Variants in SEPTIN9 observed in about 807,000 individuals in gnomAD.
SEPTIN9 encodes septin-9.
SEPTIN9 carries 13 observed loss-of-function variants against 56.6 expected under a neutral mutation model. The ratio of observed to expected loss-of-function variants is 0.23; its 90% CI spans 0.15 to 0.37. The LOEUF is 0.37. Among genes scored for constraint, SEPTIN9 ranks in the 10% least tolerant of loss-of-function variants. SEPTIN9 has a pLI of 1.00. For synonymous variants in SEPTIN9, 332 were observed against 334.1 expected (o/e 0.99, Z 0.07); for missense variants, 650 against 823.1 (o/e 0.79, Z 2.57).
At chr17:77,416,333 T>C (rs35077273) in intron 3 of SEPTIN9, among the ~76,000 whole-genome samples, 56,886 of 151,904 alleles carry the variant, frequency 0.37, 11,213 homozygotes, top group African/African-American at 0.43. Context: ...CGGTATGGGA[T>C]GGGGCCAGAT....
At position 77,455,681 on chromosome 17, in the gene SEPTIN9, C is replaced by G. The variant is rs144475610; in HGVS notation, c.722-26463C>G. Among the ~76,000 whole-genome samples the G allele has an allele frequency of 5.3e-3, 808 of 152,362 alleles. 36 individuals are homozygous for G. In the South Asian group the frequency reaches 0.1, roughly 19 times the overall value. On this transcript the variant is annotated intron_variant, in intron 3 of 11. Coordinates refer to ENST00000427177, the MANE Select transcript of SEPTIN9 (RefSeq NM_001113491.2). The stretch of plus-strand genomic sequence containing the variant: ...GGGCGGGGTTGATGGTGCCGTCTCT[C>G]TCTCTGTCACTAGAACGGACATGAG...
At chr17:77,341,975 C>A (rs1230849866) in intron 2 of SEPTIN9, among the ~76,000 whole-genome samples, 2 of 140,780 alleles carry the variant, frequency 1.4e-5, no homozygotes, top group South Asian at 4.7e-4. Context: ...CCCAGCTACT[C>A]GGGAGGCTGA....
At chr17:77,430,462 G>A (rs1009956975) in intron 3 of SEPTIN9, among the ~76,000 whole-genome samples, 1 of 152,122 alleles carries the variant, frequency 6.6e-6, no homozygotes, top group Non-Finnish European at 1.5e-5. Flanking sequence ...GAACCCACAT[G>A]CTCCCTACAG....
chr17:77,422,578 C>T (rs2144226511), intron 3 of SEPTIN9, among the ~76,000 whole-genome samples: 1 of 152,314 alleles, frequency 6.6e-6, no homozygotes, highest in East Asian at 1.9e-4. Flanking sequence ...GGAAAACCAT[C>T]CTCTGCAGGT....
At position 77,299,989 on chromosome 17, in the gene SEPTIN9, G is replaced by A. The variant is rs185940869; in HGVS notation, c.20-7152G>A. On this transcript the variant is annotated intron_variant, in intron 1 of 11. Transcript: ENST00000427177. ...CCAGAACCAGTGTGCTGCCTCCTTT[G>A]GTTGGCATTTTGTAGTTGGGTAGAC... Among the ~76,000 whole-genome samples, 9 of 152,352 alleles carry A rather than the reference G, an allele frequency of 5.9e-5. No homozygotes were observed. In the East Asian group the frequency reaches 1.7e-3, roughly 29 times the overall value.
In SEPTIN9 at chr17:77,389,785, C is replaced by T. The variant is rs537272982; in HGVS notation, c.77-12274C>T. On this transcript the variant is annotated intron_variant, in intron 2 of 11. Coordinates refer to ENST00000427177, the MANE Select transcript of SEPTIN9 (RefSeq NM_001113491.2). The surrounding 1 kb of genome is among the most constrained non-coding windows in gnomAD (Gnocchi z 4.3). ...TATCTGCCTCACATCTCTTCCCCTG[C>T]GGCTTCCGCCCATTTCCCCTCAATC... is the stretch of plus-strand genomic sequence containing the variant. Among the ~76,000 whole-genome samples the T allele has an allele frequency of 1.1e-3, 167 of 152,194 alleles. 1 individual carries two copies. The highest frequency in any genetic ancestry group is 1.6e-3 in the Non-Finnish European group (108 of 68,036).
intron 3 of SEPTIN9, among the ~76,000 whole-genome samples, chr17:77,409,811 T>C (rs1260887955): frequency 6.6e-6 from 1 of 152,168 alleles, no homozygotes; most frequent in Non-Finnish European, 1.5e-5. Flanking sequence ...CTCTGTGCGG[T>C]GTGGACAGAG....
intron 2 of SEPTIN9, among the ~76,000 whole-genome samples, chr17:77,348,977 T>G (rs1461431047): frequency 6.6e-6 from 1 of 152,254 alleles, no homozygotes; most frequent in Non-Finnish European, 1.5e-5. Context: ...CTGGTCTCAT[T>G]TCCCATGATC....
intron 3 of SEPTIN9, among the ~76,000 whole-genome samples, chr17:77,419,366 C>T (rs868302362): frequency 6.6e-5 from 9 of 137,294 alleles, no homozygotes; most frequent in Non-Finnish European, 8.2e-5. Flanking sequence ...CAGCAGCAGC[C>T]GCCGCAGGGA....
intron 2 of SEPTIN9, chr17:77,380,362 A>G (rs1462206433): frequency 7.2e-5 from 9 of 124,544 alleles, no homozygotes; most frequent in Admixed American, 7.2e-4. Context: ...CTCAGACTCT[A>G]CTGGGCTTCT....
chr17:77,338,698 C>T (rs1490753151), intron 2 of SEPTIN9, among the ~76,000 whole-genome samples: 5 of 152,180 alleles, frequency 3.3e-5, no homozygotes, highest in African/African-American at 7.2e-5. Context: ...GGATTACAGG[C>T]GTGAGCCACT....
At chr17:77,288,257 A>T in intron 1 of SEPTIN9, 1 of 1,009,126 alleles carries the variant, frequency 9.9e-7, no homozygotes, top group South Asian at 4.7e-5. Context: ...TGCTTAAATG[A>T]CCTGTGACGA....
intron 2 of SEPTIN9, among the ~76,000 whole-genome samples, chr17:77,351,262 C>T (rs2034055973): frequency 7.1e-6 from 1 of 140,990 alleles, no homozygotes; most frequent in Non-Finnish European, 1.6e-5. Flanking sequence ...CACACACACA[C>T]ACACACACGA....
intron 11 of SEPTIN9, 107 bp from the exon 12 acceptor site, chr17:77,498,416 G>GGGGGCAGGCGGGCCTGAGTCC: frequency 2.8e-6 from 2 of 702,822 alleles, no homozygotes; most frequent in African/African-American, 3.6e-5. Context: ...GAGTGGGGGT[G>GGGGGCAGGCGGGCCTGAGTCC]GGGGCAGGCG....
intron 3 of SEPTIN9, among the ~76,000 whole-genome samples, chr17:77,413,418 C>T (rs1369832): frequency 0.027 from 4,040 of 152,046 alleles, 136 homozygotes; most frequent in Admixed American, 0.1. Context: ...ATTTAAAATC[C>T]GTCAGCTTAT....
intron 3 of SEPTIN9, among the ~76,000 whole-genome samples, chr17:77,428,048 C>T (rs1444451677): frequency 2.0e-5 from 3 of 152,224 alleles, no homozygotes; most frequent in African/African-American, 7.2e-5. Flanking sequence ...AGCCACCAAG[C>T]TCAGGGCCCT....
intron 2 of SEPTIN9, among the ~76,000 whole-genome samples, chr17:77,397,690 C>T (rs540464641): frequency 3.9e-5 from 6 of 152,132 alleles, no homozygotes; most frequent in Non-Finnish European, 5.9e-5. Context: ...TGCTTTGTCG[C>T]CCAGGCTGGA....
At chr17:77,440,758 C>A (rs2037518299) in intron 3 of SEPTIN9, among the ~76,000 whole-genome samples, 1 of 152,258 alleles carries the variant, frequency 6.6e-6, no homozygotes, top group South Asian at 2.1e-4. Flanking sequence ...CCTCGCTGAG[C>A]CCTTTCCCCT....
At chr17:77,423,946 G>A (rs1040259905) in intron 3 of SEPTIN9, among the ~76,000 whole-genome samples, 3 of 117,764 alleles carry the variant, frequency 2.5e-5, no homozygotes, top group African/African-American at 3.5e-5. Context: ...CCTGGGGCCA[G>A]CAGGGAACAC....
Sources: allele counts gnomAD v4.1 joint callset (sites outside exome capture counted in the v4.1 genomes callset), GRCh38; gene constraint gnomAD v4.1.1; non-coding constraint Gnocchi (gnomAD v3.1); transcripts MANE v1.5; gene names NCBI Gene and HGNC (gene_info 2026-07-23, HGNC 2026-07-21).